PMM2: variants seen among roughly 807,000 people sequenced by gnomAD.
PMM2 encodes the protein phosphomannomutase 2, also known as mannose-6-phosphate isomerase.
Under a neutral mutation model 33.2 loss-of-function variants are expected in PMM2, and 35 were observed. The observed-to-expected ratio is 1.06, with a 90% CI of 0.81 to 1.40. The LOEUF is 1.40. Among genes scored for constraint, PMM2 ranks in the 40% most tolerant of loss-of-function variants. The probability of loss-of-function intolerance (pLI) is 0.00; values close to 1 mark genes in which losing one functional copy is unlikely to be tolerated. For missense variants in PMM2, 386 were observed against 306.0 expected (o/e 1.26, Z -1.95); for synonymous variants, 153 against 114.7 (o/e 1.33, Z -2.13).
At chr16:8,845,340 C>T (rs966740643) in intron 7 of PMM2, among the ~76,000 whole-genome samples, 2 of 152,198 alleles carry the variant, frequency 1.3e-5, no homozygotes, top group African/African-American at 4.8e-5. Context: ...GGTGGAATGT[C>T]ATCAGTTAAG....
chr16:8,835,444 G>A (rs994683194), intron 7 of PMM2, among the ~76,000 whole-genome samples: 2 of 152,010 alleles, frequency 1.3e-5, no homozygotes, highest in African/African-American at 4.8e-5. Flanking sequence ...GGGTGTCAGG[G>A]TCATCTAACT....
At chr16:8,840,576 G>A (rs1438444282) in intron 7 of PMM2, among the ~76,000 whole-genome samples, 1 of 151,936 alleles carries the variant, frequency 6.6e-6, no homozygotes, top group African/African-American at 2.4e-5. Flanking sequence ...TAGAATGAAG[G>A]GATGTATTAG....
intron 1 of PMM2, among the ~76,000 whole-genome samples, chr16:8,798,455 G>A (rs989750552): frequency 6.6e-6 from 1 of 152,142 alleles, no homozygotes; most frequent in African/African-American, 2.4e-5. Flanking sequence ...CTTTAAATGG[G>A]GATGTTACCT....
At chr16:8,804,647 T>C in intron 2 of PMM2, 120 bp from the exon 3 acceptor site, 1 of 732,382 alleles carries the variant, frequency 1.4e-6, no homozygotes, top group South Asian at 1.5e-5. Context: ...TAAGATGAGA[T>C]AGTCTTTCAC....
intron 7 of PMM2, among the ~76,000 whole-genome samples, chr16:8,831,178 C>T (rs2060807557): frequency 6.6e-6 from 1 of 152,198 alleles, no homozygotes; most frequent in Admixed American, 6.5e-5. Context: ...AACTGAATTC[C>T]TCCCAAGGTT....
At chr16:8,840,059 G>T (rs1476204767) in intron 7 of PMM2, among the ~76,000 whole-genome samples, 1 of 151,792 alleles carries the variant, frequency 6.6e-6, no homozygotes. Flanking sequence ...TGCCCAGTCT[G>T]TCTGTAAGGT....
intron 2 of PMM2, among the ~76,000 whole-genome samples, chr16:8,804,204 A>T (rs1294856279): frequency 2.0e-5 from 3 of 148,966 alleles, no homozygotes; most frequent in African/African-American, 7.5e-5. Flanking sequence ...ATGCCTGGCT[A>T]ATTTTTTGTA....
At chr16:8,836,234 G>A (rs1180830828) in intron 7 of PMM2, among the ~76,000 whole-genome samples, 2 of 151,882 alleles carry the variant, frequency 1.3e-5, no homozygotes, top group East Asian at 1.9e-4. Flanking sequence ...GATGCTCGGC[G>A]TCCGTGATGG....
intron 3 of PMM2, among the ~76,000 whole-genome samples, chr16:8,805,113 A>G (rs2060639645): frequency 6.6e-6 from 1 of 152,114 alleles, no homozygotes; most frequent in South Asian, 2.1e-4. Flanking sequence ...GCTGGAGTGC[A>G]GCGGCACGAT....
chr16:8,824,472 C>T (rs377072781), intron 7 of PMM2, among the ~76,000 whole-genome samples: 32 of 152,196 alleles, frequency 2.1e-4, no homozygotes, highest in African/African-American at 7.5e-4. Context: ...AATTATTACT[C>T]ATAACATATA....
rs749166324 is a variant in PMM2 at position 8,797,855 on chromosome 16, T to C, written c.-28T>C. On this transcript the variant is annotated 5_prime_UTR_variant, in exon 1 of 8. Coordinates refer to ENST00000268261, the MANE Select transcript of PMM2 (RefSeq NM_000303.3). ...GCCGAGTTCCTCGTGCCAACGTGTCTTGTAAGGTGCGGCTAGAAACTGGGG... is the reference window on the plus strand; with the variant it reads ...GCCGAGTTCCTCGTGCCAACGTGTCCTGTAAGGTGCGGCTAGAAACTGGGG... 2 of 1,608,492 alleles carry C rather than the reference T, an allele frequency of 1.2e-6. No homozygotes were observed. Among genetic ancestry groups the C allele is most frequent in the Non-Finnish European group, 1.7e-6 (2 of 1,177,726 alleles).
chr16:8,830,518 G>A (rs949240553), intron 7 of PMM2, among the ~76,000 whole-genome samples: 1 of 152,138 alleles, frequency 6.6e-6, no homozygotes, highest in Non-Finnish European at 1.5e-5. Flanking sequence ...GAAATCATAG[G>A]GGGTAGAAGT....
intron 7 of PMM2, among the ~76,000 whole-genome samples, chr16:8,834,232 T>C (rs1884751624): frequency 6.6e-6 from 1 of 152,166 alleles, no homozygotes; most frequent in Non-Finnish European, 1.5e-5. Flanking sequence ...TGAGGTGTGT[T>C]TTTAAAAGAC....
At chr16:8,825,006 T>C (rs1448213097) in intron 7 of PMM2, among the ~76,000 whole-genome samples, 1 of 152,236 alleles carries the variant, frequency 6.6e-6, no homozygotes, top group African/African-American at 2.4e-5. Context: ...CTCGCATTAG[T>C]GCATCTTTAA....
intron 7 of PMM2, among the ~76,000 whole-genome samples, chr16:8,843,631 G>A (rs897937449): frequency 7.9e-5 from 12 of 152,110 alleles, no homozygotes; most frequent in Admixed American, 3.3e-4. Context: ...AGATGTGGCT[G>A]GGGTTTGTCT....
chr16:8,801,968 G>A, intron 2 of PMM2, 58 bp downstream of exon 2: 5 of 1,222,208 alleles, frequency 4.1e-6, no homozygotes, highest in South Asian at 1.3e-5. Flanking sequence ...TGAGGATATT[G>A]TTGCCAAGTA....
chr16:8,829,240 G>A (rs543387553), intron 7 of PMM2: 5 of 152,328 alleles, frequency 3.3e-5, no homozygotes, highest in African/African-American at 1.2e-4. Context: ...CATACACGGC[G>A]AGAGGGGCCA....
At chr16:8,842,064 GAA>G (rs1412829563) in intron 7 of PMM2, 1 of 150,314 alleles carries the variant, frequency 6.7e-6, no homozygotes, top group Non-Finnish European at 1.5e-5. Flanking sequence ...TGTTTGGACA[GAA>G]AGGCTACAGG....
At chr16:8,816,631 C>T (rs932700159) in intron 7 of PMM2, among the ~76,000 whole-genome samples, 3 of 151,984 alleles carry the variant, frequency 2.0e-5, no homozygotes. Flanking sequence ...ATCCCAGCTA[C>T]TTGGGAGGCT....
Sources: gnomAD v4.1 joint callset for allele counts (sites outside exome capture counted in the v4.1 genomes callset) on GRCh38, gnomAD v4.1.1 for gene constraint, MANE v1.5 for transcripts, NCBI Gene and HGNC (gene_info 2026-07-23, HGNC 2026-07-21) for gene names.